Variants in RRP1 observed in about 807,000 individuals in gnomAD.
The protein encoded by RRP1 is ribosomal RNA processing 1, also known as ribosomal RNA processing protein 1 homolog A.
RRP1 carries 37 observed loss-of-function variants against 54.6 expected under a neutral mutation model. The ratio of observed to expected loss-of-function variants is 0.68; its 90% CI spans 0.52 to 0.89. RRP1 has a LOEUF of 0.89. Among genes scored for constraint, RRP1 ranks in the 40% least tolerant of loss-of-function variants. The probability of loss-of-function intolerance (pLI) is 0.00; values close to 1 mark genes in which losing one functional copy is unlikely to be tolerated. For synonymous variants in RRP1, 262 were observed against 244.3 expected (o/e 1.07, Z -0.67); for missense variants, 639 against 612.5 (o/e 1.04, Z -0.46).
intron 2 of RRP1, 148 bp downstream of exon 2, chr21:43,791,580 G>A: frequency 1.5e-6 from 1 of 685,762 alleles, no homozygotes; most frequent in South Asian, 1.8e-5. Flanking sequence ...TCGGCTTACT[G>A]CAACCTCAGC....
intron 7 of RRP1, 106 bp downstream of exon 7, chr21:43,797,801 T>C: frequency 3.2e-6 from 5 of 1,561,188 alleles, no homozygotes; most frequent in Non-Finnish European, 4.4e-6. Flanking sequence ...TGTCTCAGAG[T>C]GGCCGCTGGC....
intron 4 of RRP1, among the ~76,000 whole-genome samples, chr21:43,794,726 C>T (rs1011940578): frequency 5.9e-5 from 9 of 152,300 alleles, no homozygotes; most frequent in Middle Eastern, 3.4e-3. Flanking sequence ...TGTAGTGGAC[C>T]GCAGAGGAAG....
intron 9 of RRP1, among the ~76,000 whole-genome samples, 167 bp downstream of exon 9, chr21:43,799,816 C>G (rs1032846339): frequency 9.9e-5 from 15 of 152,180 alleles, no homozygotes; most frequent in Admixed American, 3.9e-4. Context: ...CCAACCCTGC[C>G]CGCCTGTAGA....
At chr21:43,795,148 G>A (rs1303405256) in intron 4 of RRP1, 41 bp from the exon 5 acceptor site, 2 of 1,593,298 alleles carry the variant, frequency 1.3e-6, no homozygotes, top group Admixed American at 3.3e-5. Context: ...GGCGAAGTAG[G>A]GCTGGGCTTC....
At chr21:43,791,516 T>A in intron 2 of RRP1, 84 bp downstream of exon 2, 1 of 1,326,916 alleles carries the variant, frequency 7.5e-7, no homozygotes, top group Non-Finnish European at 1.1e-6. Flanking sequence ...TTTCTTTTTT[T>A]TTTAAGTCGG....
intron 1 of RRP1, 69 bp downstream of exon 1, chr21:43,789,831 G>A (rs1221826290): frequency 7.0e-7 from 1 of 1,418,774 alleles, no homozygotes; most frequent in Non-Finnish European, 9.2e-7. Flanking sequence ...GGCGGCGGCG[G>A]CCGGAGCTGG....
chr21:43,799,627 A>T lies in RRP1; in HGVS notation c.869A>T (p.Asp290Val). Reference sequence around the variant, plus strand: ...GAGGAGCAGGCAGGTGACGACAGGGACAGTGGCGGCCCCGTTCTCCAGGTG... The same window carrying T: ...GAGGAGCAGGCAGGTGACGACAGGGTCAGTGGCGGCCCCGTTCTCCAGGTG... ...AGEEQAGDDR[D>V]SGGPVLQFDY... The change falls in exon 9 of 13, where the codon GAC (aspartate) becomes GTC (valine). Residue 290 changes from aspartate (D) to valine (V), a missense_variant. Asp to Val is a radical substitution (Grantham distance 152). Transcript: ENST00000497547. 1 of 1,611,626 alleles carries T rather than the reference A, an allele frequency of 6.2e-7. No individual in the cohort carries two copies. The highest frequency in any genetic ancestry group is 8.5e-7 in the Non-Finnish European group (1 of 1,179,706).
chr21:43,793,298 T>C (rs751317673), intron 3 of RRP1, 21 bp from the exon 4 acceptor site: 6 of 1,613,266 alleles, frequency 3.7e-6, no homozygotes, highest in Non-Finnish European at 4.2e-6. Context: ...GTGGTTCTCT[T>C]CTGGCTTATT....
chr21:43,791,513 T>A, intron 2 of RRP1, 81 bp downstream of exon 2: 1 of 1,342,918 alleles, frequency 7.4e-7, no homozygotes, highest in Non-Finnish European at 1.1e-6. Context: ...GTTTTTCTTT[T>A]TTTTTTAAGT....
At chr21:43,791,499 C>A in intron 2 of RRP1, 67 bp downstream of exon 2, 5 of 1,447,164 alleles carry the variant, frequency 3.5e-6, no homozygotes, top group Non-Finnish European at 4.8e-6. Flanking sequence ...ATCTGGTCAA[C>A]CCAGTTTTTC....
At chr21:43,798,244 C>A in intron 8 of RRP1, 144 bp downstream of exon 8, 1 of 701,158 alleles carries the variant, frequency 1.4e-6, no homozygotes, top group Non-Finnish European at 2.3e-6. Context: ...GCATAGAAGC[C>A]AGAGTGACTT....
At position 43,797,890 on chromosome 21, in the gene RRP1, T is replaced by C. The variant is rs199508363; in HGVS notation, c.618-17T>C. ...AGCATAACGGGCCTGCTCACCGGCCTCTGCTCTGCCCCTCAGTTCCTTGGT... is the reference window on the plus strand; with the variant it reads ...AGCATAACGGGCCTGCTCACCGGCCCCTGCTCTGCCCCTCAGTTCCTTGGT... On this transcript the variant is annotated splice_polypyrimidine_tract_variant and intron_variant, in intron 7 of 12. Coordinates refer to ENST00000497547, the MANE Select transcript of RRP1 (RefSeq NM_003683.6). The C allele has an allele frequency of 1.9e-5, 31 of 1,608,690 alleles. No homozygotes were observed. In the East Asian group the frequency reaches 6.7e-4, roughly 35 times the overall value.
In RRP1 at chr21:43,802,373, T is replaced by G. The variant is rs201873899; in HGVS notation, c.1109T>G (p.Leu370Trp). 2.6e-4 allele frequency: 427 copies of G among 1,613,768 alleles called. No individual in the cohort carries two copies. Among genetic ancestry groups the G allele is most frequent in the Non-Finnish European group, 3.4e-4 (402 of 1,179,940 alleles). Residue 370 changes from leucine (L) to tryptophan (W), a missense_variant, in exon 12 of 13, where the codon TTG becomes TGG. Coordinates refer to ENST00000497547, the MANE Select transcript of RRP1 (RefSeq NM_003683.6). ...KTKKQKRLLR[L>W]QQERGKGEKE... ...AAGAAGCAGAAGCGTCTGCTCAGGT[T>G]GCAGCAGGAGAGAGGTAGGACTAGG...
chr21:43,798,705 G>A (rs960236918), intron 8 of RRP1, among the ~76,000 whole-genome samples: 3 of 152,196 alleles, frequency 2.0e-5, no homozygotes, highest in Non-Finnish European at 2.9e-5. Flanking sequence ...AGAGGCCTCT[G>A]TGGGCAGCCG....
rs2085117857 is a variant in RRP1 at position 43,803,801 on chromosome 21, AGGGAGGCCAGGCCTCGCTTGCACCGC to A, written c.*32_*57del. 1 of 1,542,546 alleles carries A rather than the reference AGGGAGGCCAGGCCTCGCTTGCACCGC, an allele frequency of 6.5e-7. No individual in the cohort carries two copies. The highest frequency in any genetic ancestry group is 8.8e-7 in the Non-Finnish European group (1 of 1,140,422). On this transcript the variant is annotated 3_prime_UTR_variant, in exon 13 of 13. Transcript: ENST00000497547. The stretch of plus-strand genomic sequence containing the variant: ...GTGGCCGGGCCAAGGACAGGCAGGG[AGGGAGGCCAGGCCTCGCTTGCACCGC>A]GGGACGAGGCTGACCGGGCTGTTCT...
intron 5 of RRP1, among the ~76,000 whole-genome samples, chr21:43,795,810 C>T (rs940421311): frequency 6.6e-6 from 1 of 152,144 alleles, no homozygotes; most frequent in Non-Finnish European, 1.5e-5. Context: ...CCTAGGCCTC[C>T]CAAGTTGTAA....
intron 10 of RRP1, 73 bp from the exon 11 acceptor site, chr21:43,800,789 C>T (rs958264717): frequency 7.0e-5 from 112 of 1,599,096 alleles, no homozygotes; most frequent in Admixed American, 5.0e-5. Flanking sequence ...AACCTGCAGC[C>T]GCTCTAGCTG....
intron 1 of RRP1, 67 bp downstream of exon 1, chr21:43,789,829 C>T (rs1601863935): frequency 7.1e-7 from 1 of 1,418,176 alleles, no homozygotes; most frequent in East Asian, 2.9e-5. Context: ...TGGGCGGCGG[C>T]GGCCGGAGCT....
At chr21:43,800,012 T>C (rs763429208) in intron 9 of RRP1, among the ~76,000 whole-genome samples, 23 of 152,336 alleles carry the variant, frequency 1.5e-4, no homozygotes, top group Non-Finnish European at 1.5e-4. Context: ...GGGAATGAGA[T>C]GGCATGTGCC....
Sources: allele counts gnomAD v4.1 joint callset (sites outside exome capture counted in the v4.1 genomes callset), GRCh38; gene constraint gnomAD v4.1.1; transcripts MANE v1.5; gene names NCBI Gene and HGNC (gene_info 2026-07-23, HGNC 2026-07-21).